PLSCR2: variants seen among roughly 807,000 people sequenced by gnomAD.
The protein encoded by PLSCR2 is phospholipid scramblase 2.
PLSCR2 carries 18 observed loss-of-function variants against 25.3 expected under a neutral mutation model. The observed-to-expected ratio is 0.71, with a 90% CI of 0.49 to 1.06. The LOEUF (loss-of-function observed/expected upper bound fraction) is 1.06. Among genes scored for constraint, PLSCR2 ranks in the 50% least tolerant of loss-of-function variants. PLSCR2 has a pLI of 0.00. For synonymous variants in PLSCR2, 88 were observed against 87.3 expected (o/e 1.01, Z -0.04); for missense variants, 243 against 269.5 (o/e 0.90, Z 0.69).
At chr3:146,418,759 C>A (rs978082000) in intron 2 of PLSCR2, among the ~76,000 whole-genome samples, 1 of 152,128 alleles carries the variant, frequency 6.6e-6, no homozygotes, top group African/African-American at 2.4e-5. Flanking sequence ...AGGCAGTTTT[C>A]ATTTGCAATT....
chr3:146,488,694 G>T (rs1576750684), intron 1 of PLSCR2, among the ~76,000 whole-genome samples: 1 of 152,224 alleles, frequency 6.6e-6, no homozygotes, highest in East Asian at 1.9e-4. Flanking sequence ...AGGCTGTGGA[G>T]AAATAGGAAT....
intron 1 of PLSCR2, among the ~76,000 whole-genome samples, chr3:146,479,604 C>A (rs552684660): frequency 2.2e-4 from 34 of 152,300 alleles, no homozygotes; most frequent in African/African-American, 7.5e-4. Context: ...TAGAGACCTA[C>A]AAAGAGACTT....
rs370918667 is a variant in PLSCR2 at position 146,392,372 on chromosome 3, T to C, written c.*146-810A>G. 2.6e-3 allele frequency among the ~76,000 whole-genome samples: 401 copies of C among 152,248 alleles called. 5 individuals carry two copies. The highest frequency in any genetic ancestry group is 7.9e-3 in the African/African-American group (330 of 41,582). ...CATACATCATTAGAAATAAAAACTTTAATACATGATAAACAAAAAATGGTA... is the reference window on the plus strand; with the variant it reads ...CATACATCATTAGAAATAAAAACTTCAATACATGATAAACAAAAAATGGTA... On this transcript the variant is annotated intron_variant and NMD_transcript_variant, in intron 3 of 3. Transcript: ENST00000463633.
At chr3:146,451,382 T>C (rs1328275673) in intron 5 of PLSCR2, among the ~76,000 whole-genome samples, 1 of 152,150 alleles carries the variant, frequency 6.6e-6, no homozygotes, top group African/African-American at 2.4e-5. Context: ...CCCAAAGTGC[T>C]GGGATTACAT....
At chr3:146,487,515 A>G (rs1197530866) in intron 1 of PLSCR2, among the ~76,000 whole-genome samples, 1 of 152,104 alleles carries the variant, frequency 6.6e-6, no homozygotes. Context: ...AAGCATTCCT[A>G]TAGACCAAAG....
chr3:146,460,693 A>T (rs1162984895), upstream of PLSCR2, among the ~76,000 whole-genome samples: 1 of 152,130 alleles, frequency 6.6e-6, no homozygotes, highest in Non-Finnish European at 1.5e-5. Flanking sequence ...GCCGCTAAAC[A>T]TCCTAAAATG....
intron 3 of PLSCR2, among the ~76,000 whole-genome samples, chr3:146,457,301 AT>A (rs1052523004): frequency 2.0e-5 from 3 of 152,242 alleles, no homozygotes; most frequent in Admixed American, 6.5e-5. Context: ...AAGTAACTTT[AT>A]TATATCAGAA....
intron 1 of PLSCR2, among the ~76,000 whole-genome samples, chr3:146,476,791 G>A (rs1237453021): frequency 6.6e-6 from 1 of 152,188 alleles, no homozygotes; most frequent in Admixed American, 6.5e-5. Context: ...CTCCTTACTG[G>A]GTGGGGCCTC....
chr3:146,430,840 C>T (rs1358263910), downstream of PLSCR2, among the ~76,000 whole-genome samples: 1 of 151,822 alleles, frequency 6.6e-6, no homozygotes, highest in East Asian at 1.9e-4. Flanking sequence ...TATTCTCCCC[C>T]TTCCCCACTG....
At chr3:146,466,680 T>C (rs185334046) in intron 1 of PLSCR2, among the ~76,000 whole-genome samples, 63 of 152,302 alleles carry the variant, frequency 4.1e-4, no homozygotes, top group African/African-American at 1.5e-3. Context: ...CCCTCACAAA[T>C]GGGAGTTTTC....
At chr3:146,466,060 T>G (rs1271056118) in intron 1 of PLSCR2, among the ~76,000 whole-genome samples, 3 of 152,226 alleles carry the variant, frequency 2.0e-5, no homozygotes. Flanking sequence ...GCAAAGCACC[T>G]TGTAACCGGG....
intron 1 of PLSCR2, among the ~76,000 whole-genome samples, chr3:146,493,816 AAAAACTT>A (rs1334817516): frequency 1.6e-5 from 2 of 126,464 alleles, no homozygotes; most frequent in Non-Finnish European, 3.3e-5. Flanking sequence ...TTGCAAGTGT[AAAAACTT>A]TGAGAACATT....
chr3:146,434,863 C>T (rs2039741379), intron 8 of PLSCR2, among the ~76,000 whole-genome samples: 1 of 151,864 alleles, frequency 6.6e-6, no homozygotes, highest in Non-Finnish European at 1.5e-5. Context: ...TGTTGGTGTG[C>T]TGCACCCATT....
chr3:146,466,067 C>T (rs953258866), intron 1 of PLSCR2, among the ~76,000 whole-genome samples: 2 of 152,132 alleles, frequency 1.3e-5, no homozygotes, highest in Admixed American at 6.5e-5. Flanking sequence ...ACCTTGTAAC[C>T]GGGAGTTTTA....
At position 146,456,085 on chromosome 3, in the gene PLSCR2, G is replaced by A. The variant is rs145337193; in HGVS notation, c.101-626C>T. ...TAAGAGATGAATATTAAACAAATGGGGAAGGTGCTTGGCAATCAGGGCTTC... is the reference window on the plus strand; with the variant it reads ...TAAGAGATGAATATTAAACAAATGGAGAAGGTGCTTGGCAATCAGGGCTTC... On this transcript the variant is annotated intron_variant, in intron 3 of 6. Transcript: ENST00000610787. 7.6e-4 allele frequency among the ~76,000 whole-genome samples: 115 copies of A among 152,222 alleles called. 1 individual carries two copies. The East Asian group carries it at 0.022, about 29-fold the overall frequency.
chr3:146,478,670 T>C (rs1358711037), intron 1 of PLSCR2, among the ~76,000 whole-genome samples: 5 of 152,186 alleles, frequency 3.3e-5, no homozygotes, highest in African/African-American at 1.2e-4. Context: ...AAAACACTCT[T>C]CAGGATATTA....
intron 1 of PLSCR2, among the ~76,000 whole-genome samples, chr3:146,486,231 G>C (rs1424308152): frequency 6.6e-6 from 1 of 151,936 alleles, no homozygotes; most frequent in Non-Finnish European, 1.5e-5. Flanking sequence ...ATCTCAAATT[G>C]ACACCCTAAC....
chr3:146,403,143 A>AC (rs1559969644), intron 2 of PLSCR2, among the ~76,000 whole-genome samples: 10 of 150,208 alleles, frequency 6.7e-5, no homozygotes, highest in African/African-American at 2.4e-4. Flanking sequence ...ACATATTGTA[A>AC]ACACACACAC....
At chr3:146,425,384 A>G (rs991393687) in intron 2 of PLSCR2, among the ~76,000 whole-genome samples, 3 of 152,196 alleles carry the variant, frequency 2.0e-5, no homozygotes, top group African/African-American at 7.2e-5. Context: ...AAAAGGTACC[A>G]GGACTTAAAC....
Sources: allele counts gnomAD v4.1 joint callset (sites outside exome capture counted in the v4.1 genomes callset), GRCh38; gene constraint gnomAD v4.1.1; transcripts MANE v1.5; gene names NCBI Gene and HGNC (gene_info 2026-07-23, HGNC 2026-07-21).